F13A1: variants seen among roughly 807,000 people sequenced by gnomAD.
F13A1 encodes coagulation factor XIII A chain.
Under a neutral mutation model 80.1 loss-of-function variants are expected in F13A1, and 47 were observed. That is an observed-to-expected ratio of 0.59 (90% confidence interval 0.46 to 0.75). F13A1 has a LOEUF of 0.75. Among genes scored for constraint, F13A1 ranks in the 30% least tolerant of loss-of-function variants. The pLI is 0.00. For missense variants in F13A1, 817 were observed against 930.4 expected, an observed-to-expected ratio of 0.88 and a Z score of 1.59; for synonymous variants, 349 against 344.9, an observed-to-expected ratio of 1.01 and a Z score of -0.13.
In F13A1 at chr6:6,190,592, C is replaced by A. The variant is rs1212930532; in HGVS notation, c.1305+5205G>T. ...GGCAGTCTGCCCCTTCTCAGATCTC[C>A]AGCTGCATGCTGGGAGAACCAGTGC... On this transcript the variant is annotated intron_variant, in intron 10 of 14. Transcript: ENST00000264870. 5.3e-5 allele frequency among the ~76,000 whole-genome samples: 8 copies of A among 152,016 alleles called. No homozygotes were observed. The South Asian group carries it at 1.7e-3, about 32-fold the overall frequency.
chr6:6,224,656 T>G, intron 7 of F13A1, 30 bp downstream of exon 7: 1 of 1,604,942 alleles, frequency 6.2e-7, no homozygotes, highest in Non-Finnish European at 8.5e-7. Context: ...TCCTTTATAT[T>G]AAAAAGAAAT....
At chr6:6,255,615 T>C (rs1400860118) in intron 4 of F13A1, among the ~76,000 whole-genome samples, 2 of 151,958 alleles carry the variant, frequency 1.3e-5, no homozygotes. Context: ...TCCAAGAAAA[T>C]GAAGGATTTA....
At chr6:6,185,377 T>C (rs1273690109) in intron 10 of F13A1, among the ~76,000 whole-genome samples, 1 of 144,968 alleles carries the variant, frequency 6.9e-6, no homozygotes, top group Admixed American at 7.3e-5. Context: ...AGTGAGAATA[T>C]GCGGTGTTTG....
At chr6:6,212,362 TCCCTGAC>T (rs545964668) in intron 8 of F13A1, among the ~76,000 whole-genome samples, 2 of 151,310 alleles carry the variant, frequency 1.3e-5, no homozygotes, top group Non-Finnish European at 3.0e-5. Context: ...CTCAAGTGGG[TCCCTGAC>T]CCCTGACCCC....
At chr6:6,199,129 A>C (rs1225907824) in intron 8 of F13A1, among the ~76,000 whole-genome samples, 1 of 152,204 alleles carries the variant, frequency 6.6e-6, no homozygotes, top group Admixed American at 6.5e-5. Context: ...ACACTTCCTT[A>C]GTGCGAAGTG....
intron 2 of F13A1, among the ~76,000 whole-genome samples, chr6:6,313,246 C>T (rs1038302005): frequency 2.0e-5 from 3 of 149,160 alleles, no homozygotes; most frequent in Non-Finnish European, 4.4e-5. Flanking sequence ...AAGCCTAGTT[C>T]CTGGCAAAAT....
At chr6:6,178,537 G>A (rs1015090318) in intron 11 of F13A1, among the ~76,000 whole-genome samples, 1 of 152,086 alleles carries the variant, frequency 6.6e-6, no homozygotes, top group Non-Finnish European at 1.5e-5. Flanking sequence ...GGGAAGTTCC[G>A]TGTCAGGTTT....
chr6:6,190,671 C>G (rs1761172372), intron 10 of F13A1, among the ~76,000 whole-genome samples: 1 of 151,776 alleles, frequency 6.6e-6, no homozygotes, highest in Non-Finnish European at 1.5e-5. Context: ...TTACTGCTGT[C>G]TTTTTGTTTG....
rs193222287 is a variant in F13A1 at position 6,169,637 on chromosome 6, T to G, written c.1748-2019A>C. Among the ~76,000 whole-genome samples, 584 of 152,298 alleles carry G rather than the reference T, an allele frequency of 3.8e-3. 2 individuals carry two copies. Among genetic ancestry groups the G allele is most frequent in the African/African-American group, 0.014 (565 of 41,568 alleles). On this transcript the variant is annotated intron_variant, in intron 12 of 14. Transcript: ENST00000264870. Reference sequence around the variant, plus strand: ...GTTATCCCCAGGGGACATTTGGCAATGTCTGGAGAACTTTTTGATTGTCAC... The same window carrying G: ...GTTATCCCCAGGGGACATTTGGCAAGGTCTGGAGAACTTTTTGATTGTCAC...
At chr6:6,286,585 C>A (rs987699294) in intron 3 of F13A1, among the ~76,000 whole-genome samples, 2 of 152,180 alleles carry the variant, frequency 1.3e-5, no homozygotes, top group Non-Finnish European at 2.9e-5. Context: ...TGCTGTAGAT[C>A]CATGTGGATT....
At chr6:6,281,489 G>T (rs1308715341) in intron 3 of F13A1, among the ~76,000 whole-genome samples, 1 of 152,064 alleles carries the variant, frequency 6.6e-6, no homozygotes, top group African/African-American at 2.4e-5. Context: ...CCTCCCTAAG[G>T]GACGACACTA....
At chr6:6,310,971 GGCTTGCTTTGAATTTCCACA>G (rs1758581761) in intron 2 of F13A1, among the ~76,000 whole-genome samples, 1 of 152,122 alleles carries the variant, frequency 6.6e-6, no homozygotes, top group Non-Finnish European at 1.5e-5. Context: ...TGAGCAGACA[GGCTTGCTTTGAATTTCCACA>G]GGTAAATAGA....
chr6:6,298,328 G>A (rs1263687867), intron 3 of F13A1, among the ~76,000 whole-genome samples: 1 of 149,102 alleles, frequency 6.7e-6, no homozygotes, highest in Non-Finnish European at 1.5e-5. Flanking sequence ...TCGTTGATCT[G>A]TCTAATGTTG....
chr6:6,195,272 C>A (rs538192505), intron 10 of F13A1, among the ~76,000 whole-genome samples: 1 of 152,238 alleles, frequency 6.6e-6, no homozygotes, highest in African/African-American at 2.4e-5. Context: ...AGCCTCCAGG[C>A]TCCCCTTCCT....
At chr6:6,246,658 T>G (rs1009094180) in intron 6 of F13A1, among the ~76,000 whole-genome samples, 2 of 152,228 alleles carry the variant, frequency 1.3e-5, no homozygotes, top group South Asian at 4.1e-4. Context: ...TGTGTGCTTA[T>G]TCAATAATTA....
At chr6:6,301,251 A>T (rs1758426745) in intron 3 of F13A1, among the ~76,000 whole-genome samples, 2 of 152,216 alleles carry the variant, frequency 1.3e-5, no homozygotes, top group Non-Finnish European at 2.9e-5. Flanking sequence ...GCTCTCATGT[A>T]ACTTCCTGAA....
chr6:6,148,506 C>T (rs571545075), intron 14 of F13A1, among the ~76,000 whole-genome samples: 26 of 152,254 alleles, frequency 1.7e-4, no homozygotes, highest in Non-Finnish European at 2.9e-4. Context: ...GAAAGAAATA[C>T]GGTCTTGCAA....
At chr6:6,208,733 A>G (rs1420479002) in intron 8 of F13A1, among the ~76,000 whole-genome samples, 2 of 152,164 alleles carry the variant, frequency 1.3e-5, no homozygotes, top group African/African-American at 4.8e-5. Flanking sequence ...ACCATGTACA[A>G]GAGATAATCA....
At chr6:6,270,024 A>T (rs1757900264) in intron 3 of F13A1, among the ~76,000 whole-genome samples, 1 of 152,112 alleles carries the variant, frequency 6.6e-6, no homozygotes, top group Admixed American at 6.6e-5. Flanking sequence ...CCTACTGTTT[A>T]TATAAAGTTT....
Sources: gnomAD v4.1 joint callset for allele counts (sites outside exome capture counted in the v4.1 genomes callset) on GRCh38, gnomAD v4.1.1 for gene constraint, MANE v1.5 for transcripts, NCBI Gene and HGNC (gene_info 2026-07-23, HGNC 2026-07-21) for gene names.